SANBR: variants seen among roughly 807,000 people sequenced by gnomAD.
SANBR encodes SANT and BTB domain regulator of class switch recombination.
SANBR carries 77 observed loss-of-function variants against 101.8 expected under a neutral mutation model. That is an observed-to-expected ratio of 0.76 (90% CI 0.63 to 0.91). The LOEUF is 0.91. Among genes scored for constraint, SANBR ranks in the 40% least tolerant of loss-of-function variants. The pLI is 0.00. For missense variants in SANBR, 875 were observed against 853.0 expected, an observed-to-expected ratio of 1.03 and a Z score of -0.32; for synonymous variants, 279 against 274.7, an observed-to-expected ratio of 1.02 and a Z score of -0.15.
rs1684387796 is a variant in SANBR, at chr2:61,122,822, G to A, written c.*660G>A. 5.1e-6 allele frequency: 5 copies of A among 985,180 alleles called. No homozygotes were observed. In the South Asian group the frequency reaches 2.3e-4, roughly 46 times the overall value. The allele number at this position is 985,180 out of a possible 1,614,324, so 61.0% of individuals were successfully genotyped here. A position where few individuals can be genotyped will look rare whatever the true frequency, so the allele number is the denominator to read the frequency against. On this transcript the variant is annotated 3_prime_UTR_variant, in exon 22 of 22. Transcript: ENST00000402291. ...TTTAATGCTTATCTATTGATCATCT[G>A]AGCTGGAATTACTGATTATTACTCT...
At chr2:61,084,836 G>A (rs561021531) in intron 8 of SANBR, among the ~76,000 whole-genome samples, 1 of 152,278 alleles carries the variant, frequency 6.6e-6, no homozygotes, top group East Asian at 1.9e-4. Flanking sequence ...GTTTGCACTA[G>A]GGTAGAAACG....
At chr2:61,115,047 T>A (rs964437497) in intron 16 of SANBR, among the ~76,000 whole-genome samples, 5 of 152,204 alleles carry the variant, frequency 3.3e-5, no homozygotes, top group African/African-American at 1.2e-4. Context: ...GGTTTTGATA[T>A]CAGAGTCATG....
At chr2:61,066,614 G>T (rs1681183388) in intron 1 of SANBR, among the ~76,000 whole-genome samples, 2 of 152,236 alleles carry the variant, frequency 1.3e-5, no homozygotes, top group African/African-American at 4.8e-5. Flanking sequence ...CCCTCTGTTA[G>T]GCCAGAGGCC....
intron 2 of SANBR, 110 bp from the exon 3 acceptor site, chr2:61,070,232 T>G: frequency 1.3e-6 from 1 of 750,366 alleles, no homozygotes; most frequent in Non-Finnish European, 2.0e-6. Context: ...TTACTTTTCC[T>G]TTACATGGTA....
chr2:61,083,138 T>G lies in SANBR; in HGVS notation c.730-16T>G. The G allele has an allele frequency of 6.3e-7, 1 of 1,582,608 alleles. No homozygotes were observed. On this transcript the variant is annotated splice_polypyrimidine_tract_variant and intron_variant, in intron 7 of 21. Transcript: ENST00000402291. ...CATGCTACTATTTTCGACATTTATT[T>G]TCTATGATTTTTTAGGTTGAACAGT...
At chr2:61,117,411 G>T (rs115290120) in intron 18 of SANBR, 26 bp downstream of exon 18, 1 of 1,612,884 alleles carries the variant, frequency 6.2e-7, no homozygotes, top group East Asian at 2.2e-5. Context: ...TAATCCAATC[G>T]GATATCCACT....
At chr2:61,085,004 T>C (rs1682346154) in intron 8 of SANBR, among the ~76,000 whole-genome samples, 1 of 152,056 alleles carries the variant, frequency 6.6e-6, no homozygotes, top group Non-Finnish European at 1.5e-5. Flanking sequence ...AAGGAAAGAT[T>C]GGGAGAGGAA....
chr2:61,097,871 C>T lies in SANBR; in HGVS notation c.1365+19C>T. 6.3e-7 allele frequency: 1 copy of T among 1,597,270 alleles called. No homozygotes were observed. The highest frequency in any genetic ancestry group is 1.1e-5 in the South Asian group (1 of 89,238). On this transcript the variant is annotated intron_variant, in intron 12 of 21. Coordinates refer to ENST00000402291, the MANE Select transcript of SANBR (RefSeq NM_001129993.3). ...TACAAAGGTGAATTTTGAATATTGC[C>T]CTTAGTAGCTACAGTTTTTAAAGTA...
intron 17 of SANBR, 46 bp from the exon 18 acceptor site, chr2:61,117,311 G>A: frequency 1.3e-6 from 2 of 1,562,050 alleles, no homozygotes; most frequent in Non-Finnish European, 1.8e-6. Context: ...GCACTAATCA[G>A]TAAACATGTT....
chr2:61,094,199 T>C, intron 11 of SANBR: 1 of 289,264 alleles, frequency 3.5e-6, no homozygotes, highest in Non-Finnish European at 5.2e-6. Flanking sequence ...GTGCTTACAA[T>C]TGTATAACTA....
intron 16 of SANBR, among the ~76,000 whole-genome samples, chr2:61,109,677 G>GTTTTTTTTTTTTTTTTTTTTTTTT (rs1363427197): frequency 9.1e-6 from 1 of 109,494 alleles, no homozygotes. Context: ...TTTTTTTTGT[G>GTTTTTTTTTTTTTTTTTTTTTTTT]TTTGTTTTTT....
chr2:61,108,460 A>G, intron 15 of SANBR, 111 bp downstream of exon 15: 1 of 638,186 alleles, frequency 1.6e-6, no homozygotes, highest in Non-Finnish European at 2.6e-6. Flanking sequence ...TTAAATGTAC[A>G]TCTTCCTTTT....
At chr2:61,101,722 C>T (rs1380121878) in intron 12 of SANBR, among the ~76,000 whole-genome samples, 8 of 146,028 alleles carry the variant, frequency 5.5e-5, no homozygotes, top group South Asian at 2.2e-4. Flanking sequence ...AGCGAGACTC[C>T]GTCTGAAAAA....
Position 61,075,025 on chromosome 2 carries a change from T to C in SANBR, c.431+1474T>C, listed in dbSNP as rs1447024619. The C allele has an allele frequency of 3.9e-5, 6 of 152,038 alleles. 1 individual carries two copies. The highest frequency in any genetic ancestry group is 1.2e-4 in the African/African-American group (5 of 41,364). 9.4% of individuals were successfully genotyped at this position (152,038 alleles called of 1,614,324 possible). A position where few individuals can be genotyped will look rare whatever the true frequency, so the allele number is the denominator to read the frequency against. On this transcript the variant is annotated intron_variant, in intron 5 of 21. Transcript: ENST00000402291. ...GTTGCCCAGTCTGGTCCTGAACTCC[T>C]GGGCTCAAGCAGTCCTCCCACTTCA...
intron 15 of SANBR, among the ~76,000 whole-genome samples, chr2:61,108,870 G>T (rs571356322): frequency 3.9e-5 from 6 of 152,222 alleles, no homozygotes; most frequent in Non-Finnish European, 7.4e-5. Flanking sequence ...TTTAATATTG[G>T]TGGTTACTAT....
intron 12 of SANBR, among the ~76,000 whole-genome samples, chr2:61,103,630 C>T (rs912830311): frequency 1.3e-5 from 2 of 152,108 alleles, no homozygotes; most frequent in African/African-American, 4.8e-5. Flanking sequence ...TCGTAATGTT[C>T]TAATTCTTAA....
chr2:61,129,053 T>G (rs1022199237), downstream of SANBR, among the ~76,000 whole-genome samples: 1 of 152,186 alleles, frequency 6.6e-6, no homozygotes, highest in Non-Finnish European at 1.5e-5. Flanking sequence ...AAAAATTGTC[T>G]TTCAAATATG....
intron 10 of SANBR, chr2:61,089,210 A>T: frequency 1.0e-6 from 1 of 985,100 alleles, no homozygotes. Context: ...ATACTTTGTC[A>T]GTATTTCATT....
Position 61,122,744 on chromosome 2 carries a change from A to C in SANBR, c.*582A>C. On this transcript the variant is annotated 3_prime_UTR_variant, in exon 22 of 22. Coordinates refer to ENST00000402291, the MANE Select transcript of SANBR (RefSeq NM_001129993.3). ...TTGGGCAGAAGGGTTAATTTTTTTC[A>C]GCATTATATCGTGGAAAGTACAATG... 7 of 985,388 alleles carry C rather than the reference A, an allele frequency of 7.1e-6. No individual in the cohort carries two copies. Among genetic ancestry groups the C allele is most frequent in the Non-Finnish European group, 8.4e-6 (7 of 829,820 alleles). The allele number at this position is 985,388 out of a possible 1,614,324, so 61.0% of individuals were successfully genotyped here.
Sources: allele counts gnomAD v4.1 joint callset (sites outside exome capture counted in the v4.1 genomes callset), GRCh38; gene constraint gnomAD v4.1.1; transcripts MANE v1.5; gene names NCBI Gene and HGNC (gene_info 2026-07-23, HGNC 2026-07-21).